The following ST7 variants were observed in gnomAD, a reference collection of about 807,000 sequenced individuals.
The protein encoded by ST7 is suppressor of tumorigenicity 7 protein.
A neutral mutation model predicts 78.7 loss-of-function variants in ST7; 28 were observed. That is an observed-to-expected ratio of 0.36 (90% CI 0.26 to 0.49). The LOEUF (loss-of-function observed/expected upper bound fraction) is 0.49. Among genes scored for constraint, ST7 ranks in the 20% least tolerant of loss-of-function variants. The pLI is 0.99. For synonymous variants in ST7, 247 were observed against 249.6 expected (o/e 0.99, Z 0.10); for missense variants, 418 against 696.0 (o/e 0.60, Z 4.49).
intron 9 of ST7, among the ~76,000 whole-genome samples, chr7:117,164,347 T>C (rs1807380744): frequency 6.6e-6 from 1 of 152,210 alleles, no homozygotes; most frequent in Non-Finnish European, 1.5e-5. Context: ...TTTATTGTTT[T>C]TAGTTTTGTT....
chr7:116,974,720 A>G (rs1793610204), intron 1 of ST7, among the ~76,000 whole-genome samples: 1 of 152,206 alleles, frequency 6.6e-6, no homozygotes, highest in African/African-American at 2.4e-5. Flanking sequence ...ATTCATGATG[A>G]CAGTATATAG....
chr7:117,105,636 T>C (rs1185149408), intron 2 of ST7, among the ~76,000 whole-genome samples: 1 of 152,176 alleles, frequency 6.6e-6, no homozygotes, highest in Non-Finnish European at 1.5e-5. Flanking sequence ...TAAGATCTAA[T>C]GTTTGACAGA....
At position 117,129,808 on chromosome 7, in the gene ST7, G is replaced by A. The variant is rs528877219; in HGVS notation, c.410G>A (p.Arg137Gln). 16 of 1,610,208 alleles carry A rather than the reference G, an allele frequency of 9.9e-6. No homozygotes were observed. Among genetic ancestry groups the A allele is most frequent in the African/African-American group, 1.3e-5 (1 of 74,734 alleles). ...RQSVSECKVWRNPLNLFRGAE... is the reference protein window; with the variant it reads ...RQSVSECKVWQNPLNLFRGAE... ...TTTGTTGCAGAATGCAAAGTATGGC[G>A]AAATCCACTAAATTTATTTAGGGGT... is the stretch of plus-strand genomic sequence containing the variant. Residue 137 changes from arginine to glutamine, a missense_variant, in exon 4 of 16, where the codon CGA (arginine) becomes CAA (glutamine). Physicochemically the swap from Arg to Gln is conservative, Grantham distance 43. Around this residue, in one of 4 missense-constraint regions of ST7, gnomAD observed 288 missense variants for 537.1 expected, o/e 0.54. Transcript: ENST00000323984.
In ST7 at chr7:117,189,975, G is replaced by C. The variant is rs528007563; in HGVS notation, c.1151+582G>C. On this transcript the variant is annotated intron_variant, in intron 11 of 15. Transcript: ENST00000323984. ...GAGCATAGATGGCTTAACTGCTTTT[G>C]AGTTCATAAACTCTTACGCTTCCCC... Among the ~76,000 whole-genome samples the C allele has an allele frequency of 3.3e-5, 5 of 152,182 alleles. No homozygotes were observed. In the South Asian group the frequency reaches 8.3e-4, roughly 25 times the overall value.
chr7:117,118,962 A>C (rs1166792281), intron 2 of ST7, among the ~76,000 whole-genome samples: 1 of 152,194 alleles, frequency 6.6e-6, no homozygotes, highest in Non-Finnish European at 1.5e-5. Context: ...GTGTTTATAG[A>C]GCACTTCTCT....
At chr7:117,106,900 G>A (rs1405931585) in intron 2 of ST7, among the ~76,000 whole-genome samples, 17 of 152,234 alleles carry the variant, frequency 1.1e-4, no homozygotes, top group African/African-American at 3.6e-4. Flanking sequence ...GATTACAGGC[G>A]TGAGCCACTG....
chr7:117,158,830 A>G (rs1055040586), intron 9 of ST7, among the ~76,000 whole-genome samples: 24 of 152,112 alleles, frequency 1.6e-4, no homozygotes, highest in African/African-American at 5.3e-4. Context: ...TGTCTTTTCT[A>G]TTTTCTATTT....
chr7:117,190,755 C>A lies in ST7; in HGVS notation c.1152-79C>A, dbSNP rs1285914876. On this transcript the variant is annotated intron_variant, in intron 11 of 15. Transcript: ENST00000323984. This position sits in a 1 kb window ranked among gnomAD's most constrained non-coding sequence, Gnocchi z 5.2. ...TATTGGCTCACTGTGGTTTTATGGG[C>A]CCTAGATGTGTAGATGCTTCCGGGT... The A allele has an allele frequency of 2.6e-6, 3 of 1,147,300 alleles. No individual in the cohort carries two copies. The highest frequency in any genetic ancestry group is 3.0e-5 in the African/African-American group (2 of 66,054). The allele number at this position is 1,147,300 out of a possible 1,614,324, so 71.1% of individuals were successfully genotyped here.
At chr7:117,186,378 C>T (rs1355838357) in intron 10 of ST7, among the ~76,000 whole-genome samples, 2 of 152,136 alleles carry the variant, frequency 1.3e-5, no homozygotes, top group African/African-American at 4.8e-5. Flanking sequence ...TATGATAACG[C>T]ATATGGCCAC....
intron 14 of ST7, 61 bp from the exon 15 acceptor site, chr7:117,221,862 A>C (rs1793117950): frequency 6.6e-7 from 1 of 1,504,650 alleles, no homozygotes; most frequent in African/African-American, 1.4e-5. Context: ...CACCATAAAG[A>C]CCTCCCCTGA....
chr7:117,039,810 TGG>T (rs1797111332), intron 1 of ST7, among the ~76,000 whole-genome samples: 1 of 152,178 alleles, frequency 6.6e-6, no homozygotes, highest in Non-Finnish European at 1.5e-5. Context: ...GCTGAGATCT[TGG>T]TAAGTCTGAC....
chr7:116,999,808 C>CTTTTTTTTTTTTTTT (rs71148356), intron 1 of ST7, among the ~76,000 whole-genome samples: 1 of 104,442 alleles, frequency 9.6e-6, no homozygotes, highest in Non-Finnish European at 1.8e-5. Flanking sequence ...AATTTTCTTT[C>CTTTTTTTTTTTTTTT]TTTTTTTTTT....
chr7:117,095,579 G>A (rs982088603), intron 1 of ST7, among the ~76,000 whole-genome samples: 2 of 152,288 alleles, frequency 1.3e-5, no homozygotes, highest in African/African-American at 2.4e-5. Flanking sequence ...AATAACTGAG[G>A]TGATATTCTT....
chr7:117,184,579 A>G (rs1809065996), intron 10 of ST7, among the ~76,000 whole-genome samples: 1 of 152,236 alleles, frequency 6.6e-6, no homozygotes, highest in Non-Finnish European at 1.5e-5. Context: ...GGCAGACAGA[A>G]CTGTACAGAA....
At chr7:117,001,780 T>C (rs183221153) in intron 1 of ST7, among the ~76,000 whole-genome samples, 194 of 152,304 alleles carry the variant, frequency 1.3e-3, no homozygotes, top group Non-Finnish European at 1.1e-3. Context: ...TTTTTCTTAT[T>C]CTTCCCTCCA....
chr7:117,133,992 CTCTTT>C (rs1804576706), intron 6 of ST7, 127 bp from the exon 7 acceptor site: 1 of 1,200,922 alleles, frequency 8.3e-7, no homozygotes, highest in African/African-American at 1.5e-5. Flanking sequence ...TGAATCATGC[CTCTTT>C]TCTTTGAATT....
At chr7:116,988,907 T>G (rs973034632) in intron 1 of ST7, among the ~76,000 whole-genome samples, 1 of 152,178 alleles carries the variant, frequency 6.6e-6, no homozygotes, top group African/African-American at 2.4e-5. Flanking sequence ...AAATACCTAC[T>G]GAGGGTTTAT....
chr7:117,034,986 C>T (rs952057778), intron 1 of ST7, among the ~76,000 whole-genome samples: 2 of 152,120 alleles, frequency 1.3e-5, no homozygotes, highest in Non-Finnish European at 2.9e-5. Context: ...AGCATTGCTA[C>T]CCTCCAAGAC....
intron 1 of ST7, among the ~76,000 whole-genome samples, chr7:116,985,939 T>A (rs1193099393): frequency 6.6e-6 from 1 of 152,242 alleles, no homozygotes; most frequent in Non-Finnish European, 1.5e-5. Context: ...TTCAAGCGAC[T>A]CTTATGTCGC....
Sources: allele counts gnomAD v4.1 joint callset (sites outside exome capture counted in the v4.1 genomes callset), GRCh38; gene constraint gnomAD v4.1.1; regional missense constraint gnomAD v4.1.1; non-coding constraint Gnocchi (gnomAD v3.1); transcripts MANE v1.5; gene names NCBI Gene and HGNC (gene_info 2026-07-23, HGNC 2026-07-21).